CC2D2A: variants seen among roughly 807,000 people sequenced by gnomAD.
The protein encoded by CC2D2A is coiled-coil and C2 domain containing 2A.
In CC2D2A, 155 loss-of-function variants were observed where a neutral mutation model predicts 212.9. The observed-to-expected ratio is 0.73, with a 90% CI of 0.64 to 0.83. The LOEUF (loss-of-function observed/expected upper bound fraction) is 0.83. Among genes scored for constraint, CC2D2A ranks in the 40% least tolerant of loss-of-function variants. The pLI is 0.00. For missense variants in CC2D2A, 1,856 were observed against 1,956.2 expected (o/e 0.95, Z 0.97); for synonymous variants, 667 against 686.5 (o/e 0.97, Z 0.44).
chr4:15,541,471 A>G (rs569433467), intron 17 of CC2D2A, among the ~76,000 whole-genome samples: 1 of 152,252 alleles, frequency 6.6e-6, no homozygotes, highest in East Asian at 1.9e-4. Flanking sequence ...ATCTGTTCTT[A>G]AAGTCTTGGA....
intron 33 of CC2D2A, among the ~76,000 whole-genome samples, chr4:15,590,795 G>T (rs1721069577): frequency 6.6e-6 from 1 of 152,120 alleles, no homozygotes; most frequent in South Asian, 2.1e-4. Context: ...GGAGTCCAGT[G>T]GTGCCATCTC....
intron 14 of CC2D2A, among the ~76,000 whole-genome samples, chr4:15,534,712 G>A (rs920476876): frequency 1.3e-5 from 2 of 152,042 alleles, no homozygotes; most frequent in Admixed American, 6.6e-5. Flanking sequence ...TACAGCCAAA[G>A]ATAGCTACAA....
At chr4:15,579,940 A>G (rs760828112) in intron 29 of CC2D2A, 28 bp from the exon 30 acceptor site, 1 of 1,566,646 alleles carries the variant, frequency 6.4e-7, no homozygotes, top group East Asian at 2.2e-5. Context: ...AATCATACAT[A>G]AACTCCATGA....
At chr4:15,568,971 G>A (rs1720030314) in intron 26 of CC2D2A, among the ~76,000 whole-genome samples, 2 of 152,166 alleles carry the variant, frequency 1.3e-5, no homozygotes, top group Admixed American at 6.5e-5. Context: ...TGGAAACCTT[G>A]TAGCCTGTCC....
intron 17 of CC2D2A, among the ~76,000 whole-genome samples, chr4:15,547,838 G>A (rs914404457): frequency 3.9e-5 from 6 of 151,954 alleles, no homozygotes; most frequent in South Asian, 2.1e-4. Flanking sequence ...TTGGCAGTTC[G>A]AGACCAGTCT....
intron 29 of CC2D2A, among the ~76,000 whole-genome samples, chr4:15,579,125 C>T (rs1230861739): frequency 6.6e-6 from 1 of 152,018 alleles, no homozygotes; most frequent in Admixed American, 6.6e-5. Context: ...TAAAGGAAAT[C>T]TACATTTGTT....
chr4:15,476,057 C>A, intron 2 of CC2D2A, 86 bp downstream of exon 2: 1 of 1,111,882 alleles, frequency 9.0e-7, no homozygotes, highest in South Asian at 1.4e-5. Flanking sequence ...GAAGTTAGGC[C>A]AACCAGCATC....
At chr4:15,492,476 A>G (rs1237371641) in intron 4 of CC2D2A, among the ~76,000 whole-genome samples, 2 of 151,672 alleles carry the variant, frequency 1.3e-5, no homozygotes, top group African/African-American at 2.4e-5. Context: ...CTCAACTCAG[A>G]GTTAATGCCA....
intron 22 of CC2D2A, among the ~76,000 whole-genome samples, chr4:15,560,326 C>T (rs1719512417): frequency 6.6e-6 from 1 of 152,042 alleles, no homozygotes; most frequent in Non-Finnish European, 1.5e-5. Context: ...AACAGGAAAA[C>T]CCCTGACTTT....
At chr4:15,492,079 G>C (rs1422676870) in intron 4 of CC2D2A, among the ~76,000 whole-genome samples, 1 of 152,062 alleles carries the variant, frequency 6.6e-6, no homozygotes, top group African/African-American at 2.4e-5. Flanking sequence ...AACTGAAACT[G>C]ACCTTCTGAT....
chr4:15,512,438 A>G (rs574951027), intron 8 of CC2D2A, among the ~76,000 whole-genome samples: 69 of 152,354 alleles, frequency 4.5e-4, no homozygotes, highest in African/African-American at 1.4e-3. Flanking sequence ...ACACTAAGAA[A>G]AATAAGCCAG....
intron 23 of CC2D2A, among the ~76,000 whole-genome samples, chr4:15,561,408 T>C (rs1272472384): frequency 6.6e-6 from 1 of 152,112 alleles, no homozygotes; most frequent in Non-Finnish European, 1.5e-5. Flanking sequence ...TTTCCACATA[T>C]AGAAAGGAGG....
chr4:15,519,688 T>TGGCA (rs761455981), intron 11 of CC2D2A: 23 of 430,696 alleles, frequency 5.3e-5, no homozygotes, highest in South Asian at 4.0e-4. Context: ...CTAACATGGA[T>TGGCA]GGCAGCAGGC....
At position 15,510,194 on chromosome 4, in the gene CC2D2A, G is replaced by T. The variant is rs911542623; in HGVS notation, c.494G>T (p.Arg165Ile). Residue 165 changes from arginine to isoleucine, a missense_variant, in exon 7 of 37, where the codon AGA (arginine) becomes ATA (isoleucine). Arg to Ile is a moderately conservative substitution (Grantham distance 97, BLOSUM62 -3). This residue lies in a region of CC2D2A where 1,512 missense variants were observed against 1,579.3 expected (regional missense o/e 0.96). Transcript: ENST00000424120. The part of the protein sequence containing the change: ...QQEVDSQSYS[R>I]VKFHDSARKI... ...GAAGTTGACTCCCAAAGTTACTCAA[G>T]AGTCAAGTTCCATGATTCTGCACGA... 6.2e-7 allele frequency: 1 copy of T among 1,613,538 alleles called. No individual in the cohort carries two copies. Among genetic ancestry groups the T allele is most frequent in the African/African-American group, 1.3e-5 (1 of 74,882 alleles).
intron 29 of CC2D2A, among the ~76,000 whole-genome samples, chr4:15,578,994 A>G (rs1577391816): frequency 6.8e-6 from 1 of 147,116 alleles, no homozygotes; most frequent in Admixed American, 7.0e-5. Flanking sequence ...AATCCTTTAA[A>G]ATGTAACCAA....
At chr4:15,502,307 CTT>C (rs1489504574) in intron 4 of CC2D2A, 120 bp from the exon 5 acceptor site, 4 of 738,264 alleles carry the variant, frequency 5.4e-6, no homozygotes, top group African/African-American at 1.8e-5. Flanking sequence ...ATTATGTTCT[CTT>C]ATTTCTTTTT....
intron 28 of CC2D2A, 59 bp downstream of exon 28, chr4:15,570,555 A>G (rs1577385472): frequency 7.9e-7 from 1 of 1,263,456 alleles, no homozygotes; most frequent in East Asian, 2.5e-5. Flanking sequence ...CATTTTTCCT[A>G]TTAAAACGTT....
At chr4:15,569,928 C>G (rs1355124893) in intron 27 of CC2D2A, among the ~76,000 whole-genome samples, 2 of 152,168 alleles carry the variant, frequency 1.3e-5, no homozygotes, top group Admixed American at 1.3e-4. Flanking sequence ...TGCAGCCCAG[C>G]AAGTCCCAGC....
At chr4:15,500,111 A>G (rs56147369) in intron 4 of CC2D2A, among the ~76,000 whole-genome samples, 56,718 of 106,050 alleles carry the variant, frequency 0.53, 13,207 homozygotes, top group Middle Eastern at 0.67. Context: ...GTGTGTGTAT[A>G]TATATATATA....
Sources: gnomAD v4.1 joint callset for allele counts (sites outside exome capture counted in the v4.1 genomes callset) on GRCh38, gnomAD v4.1.1 for gene constraint, gnomAD v4.1.1 regional missense constraint, MANE v1.5 for transcripts, NCBI Gene and HGNC (gene_info 2026-07-23, HGNC 2026-07-21) for gene names.